Variants in FABP6 observed in about 807,000 individuals in gnomAD.
FABP6 encodes fatty acid binding protein 6.
FABP6 carries 13 observed loss-of-function variants against 14.9 expected under a neutral mutation model. The ratio of observed to expected loss-of-function variants is 0.87; its 90% CI spans 0.57 to 1.39. The LOEUF (loss-of-function observed/expected upper bound fraction) is 1.39. FABP6 is among the 40% of genes most tolerant of loss of function. The pLI, the probability that FABP6 is intolerant of heterozygous loss-of-function variation, is 0.00. For missense variants in FABP6, 161 were observed against 167.2 expected (o/e 0.96, Z 0.20); for synonymous variants, 75 against 63.6 (o/e 1.18, Z -0.85).
Position 160,217,035 on chromosome 5 carries a change from G to A in FABP6, c.135+3216G>A, listed in dbSNP as rs1217681783. Among the ~76,000 whole-genome samples the A allele has an allele frequency of 9.9e-5, 15 of 152,244 alleles. No homozygotes were observed. The South Asian group carries it at 3.1e-3, about 32-fold the overall frequency. On this transcript the variant is annotated intron_variant, in intron 3 of 6. Transcript: ENST00000393980. ...CCTCTGTTTCCTCATCTACATGATG[G>A]GGGTAATATCAGGACTGACATACAA...
rs147812177 is a variant in FABP6, at chr5:160,232,201, C to T, written c.171C>T (p.Gly57=). 5.0e-5 allele frequency: 81 copies of T among 1,613,244 alleles called. No individual in the cohort carries two copies. The African/African-American group carries it at 1.0e-3, about 20-fold the overall frequency. ...DFTWSQHYSG[G]HTMTNKFTVG... ...CTTGGTCCCAGCACTACTCCGGGGG[C>T]CACACCATGACCAACAAGTTCACTG... Residue 57 remains glycine (G), a synonymous_variant, in exon 2 of 4, where the codon GGC becomes GGT. Transcript: ENST00000402432.
chr5:160,218,373 G>A (rs188635039), intron 3 of FABP6, among the ~76,000 whole-genome samples: 48 of 152,178 alleles, frequency 3.2e-4, no homozygotes, highest in Non-Finnish European at 4.0e-4. Flanking sequence ...TTCAAACCTA[G>A]GCAGCCTGTG....
Position 160,211,983 on chromosome 5 carries a change from CTTTTT to C in FABP6, c.52-1736_52-1732del, listed in dbSNP as rs70990712. Among the ~76,000 whole-genome samples, 70 of 102,966 alleles carry C rather than the reference CTTTTT, an allele frequency of 6.8e-4. No individual in the cohort carries two copies. In the South Asian group the frequency reaches 0.01, roughly 15 times the overall value. 67.5% of individuals were successfully genotyped at this position (102,966 alleles called of 152,430 possible). ...CATCCTGTGCCTTCCTATGCAAGTT[CTTTTT>C]TTTTTTTTTTTTTTTTGAGATGCAG... On this transcript the variant is annotated intron_variant, in intron 2 of 6. Coordinates refer to the FABP6 transcript ENST00000393980.
At chr5:160,192,205 A>T (rs2032839) in intron 1 of FABP6, among the ~76,000 whole-genome samples, 134,357 of 151,966 alleles carry the variant, frequency 0.88, 59,543 homozygotes, top group Non-Finnish European at 0.92. Context: ...TAAATTAAAC[A>T]TTTTAGAGAT....
chr5:160,191,303 T>C (rs1245189269), intron 1 of FABP6, among the ~76,000 whole-genome samples: 1 of 151,730 alleles, frequency 6.6e-6, no homozygotes, highest in Admixed American at 6.6e-5. Flanking sequence ...CCGTCTTTAC[T>C]AAAAATACAA....
chr5:160,203,830 T>C (rs1759700119), intron 2 of FABP6, among the ~76,000 whole-genome samples: 1 of 151,898 alleles, frequency 6.6e-6, no homozygotes. Context: ...GCCTCTCAAG[T>C]AGCTGGGATT....
At chr5:160,233,212 C>A (rs987626514) in intron 2 of FABP6, among the ~76,000 whole-genome samples, 3 of 151,954 alleles carry the variant, frequency 2.0e-5, no homozygotes, top group Non-Finnish European at 2.9e-5. Context: ...AAACTCCTGA[C>A]CTTGTGATCC....
At chr5:160,206,963 A>G (rs909210574) in intron 2 of FABP6, among the ~76,000 whole-genome samples, 5 of 152,252 alleles carry the variant, frequency 3.3e-5, no homozygotes, top group African/African-American at 9.6e-5. Flanking sequence ...TCGTCCATAC[A>G]GAAGAAAAAC....
At chr5:160,234,122 C>A (rs1388748239) in intron 2 of FABP6, among the ~76,000 whole-genome samples, 1 of 152,168 alleles carries the variant, frequency 6.6e-6, no homozygotes, top group African/African-American at 2.4e-5. Context: ...TGGTCCAGAA[C>A]ACATAGCCCT....
chr5:160,213,507 G>T (rs1561748168), intron 2 of FABP6, among the ~76,000 whole-genome samples: 1 of 152,200 alleles, frequency 6.6e-6, no homozygotes, highest in Non-Finnish European at 1.5e-5. Context: ...TGTGGCTGTG[G>T]TTCTAGCTGT....
intron 3 of FABP6, among the ~76,000 whole-genome samples, chr5:160,216,542 A>G (rs1382734741): frequency 6.6e-6 from 1 of 152,166 alleles, no homozygotes; most frequent in East Asian, 1.9e-4. Flanking sequence ...TGCTGGGATT[A>G]CAGGCATGAG....
At chr5:160,194,824 C>G (rs1338413154) in intron 1 of FABP6, among the ~76,000 whole-genome samples, 4 of 152,198 alleles carry the variant, frequency 2.6e-5, no homozygotes, top group African/African-American at 4.8e-5. Context: ...GCCTATACCT[C>G]CATATTCCCC....
intron 1 of FABP6, among the ~76,000 whole-genome samples, chr5:160,189,155 G>A (rs953070087): frequency 2.6e-5 from 4 of 152,096 alleles, no homozygotes; most frequent in Admixed American, 6.6e-5. Flanking sequence ...AGACATAAAC[G>A]AGTGGGCATG....
chr5:160,199,681 C>A (rs1273958493), intron 2 of FABP6, among the ~76,000 whole-genome samples: 3 of 152,208 alleles, frequency 2.0e-5, no homozygotes, highest in Non-Finnish European at 4.4e-5. Flanking sequence ...TCCCCTGCCC[C>A]CTCCTTCGTC....
chr5:160,214,307 G>A (rs1008753417), intron 3 of FABP6, among the ~76,000 whole-genome samples: 9 of 151,724 alleles, frequency 5.9e-5, no homozygotes, highest in Non-Finnish European at 4.4e-5. Context: ...GGGATTACAG[G>A]CACGTGCCAC....
At chr5:160,198,942 T>A (rs1759570663) in intron 1 of FABP6, 2 of 684,254 alleles carry the variant, frequency 2.9e-6, no homozygotes, top group Non-Finnish European at 5.0e-6. Context: ...CCCATGTGTC[T>A]GGCACACAGT....
At chr5:160,224,597 G>A (rs1760202107), upstream of FABP6, among the ~76,000 whole-genome samples, 1 of 152,088 alleles carries the variant, frequency 6.6e-6, no homozygotes, top group Non-Finnish European at 1.5e-5. Flanking sequence ...AGTTAGCTGA[G>A]TGGTGAATGC....
intron 3 of FABP6, among the ~76,000 whole-genome samples, chr5:160,215,964 G>A (rs559494602): frequency 1.3e-5 from 2 of 152,322 alleles, no homozygotes; most frequent in African/African-American, 4.8e-5. Context: ...CTGCAGATGG[G>A]AGGTAGAAGG....
upstream of FABP6, among the ~76,000 whole-genome samples, chr5:160,226,551 A>G (rs1282498306): frequency 2.0e-5 from 3 of 148,308 alleles, no homozygotes; most frequent in African/African-American, 7.5e-5. Flanking sequence ...AAAAAAAAGT[A>G]AATATAAACT....
Sources: allele counts gnomAD v4.1 joint callset (sites outside exome capture counted in the v4.1 genomes callset), GRCh38; gene constraint gnomAD v4.1.1; transcripts MANE v1.5; gene names NCBI Gene and HGNC (gene_info 2026-07-23, HGNC 2026-07-21).